The following ENAH variants were observed in gnomAD, a reference collection of about 807,000 sequenced individuals.
The protein encoded by ENAH is protein enabled homolog.
In ENAH, 23 loss-of-function variants were observed where a neutral mutation model predicts 78.7. The observed-to-expected ratio is 0.29, with a 90% CI of 0.21 to 0.41. The LOEUF is 0.41. ENAH is among the 10% of genes least tolerant of loss of function. The probability of loss-of-function intolerance (pLI) is 1.00; values close to 1 mark genes in which losing one functional copy is unlikely to be tolerated. For missense variants in ENAH, 544 were observed against 691.0 expected, an observed-to-expected ratio of 0.79 and a Z score of 2.39; for synonymous variants, 226 against 241.0, an observed-to-expected ratio of 0.94 and a Z score of 0.58.
At chr1:225,597,152 C>T (rs1004302877) in intron 1 of ENAH, among the ~76,000 whole-genome samples, 11 of 152,056 alleles carry the variant, frequency 7.2e-5, no homozygotes, top group Non-Finnish European at 1.2e-4. Context: ...GTTTCCATTC[C>T]GCCGTGAACC....
At chr1:225,604,181 C>A (rs1662754846) in intron 1 of ENAH, among the ~76,000 whole-genome samples, 1 of 152,170 alleles carries the variant, frequency 6.6e-6, no homozygotes, top group South Asian at 2.1e-4. Flanking sequence ...CAGTGGCAGA[C>A]ATAAAAACCA....
At chr1:225,505,178 A>T (rs1414618848) in intron 11 of ENAH, 1 of 577,540 alleles carries the variant, frequency 1.7e-6, no homozygotes, top group Non-Finnish European at 2.9e-6. Context: ...TAACCTTAAA[A>T]TAACCAATTT....
intron 3 of ENAH, among the ~76,000 whole-genome samples, chr1:225,541,419 A>G (rs898506505): frequency 2.0e-5 from 3 of 152,094 alleles, no homozygotes; most frequent in African/African-American, 7.2e-5. Context: ...CGGGCGACAG[A>G]GTGAGACTCA....
intron 4 of ENAH, among the ~76,000 whole-genome samples, chr1:225,525,485 C>A (rs1157506184): frequency 6.6e-6 from 1 of 152,182 alleles, no homozygotes; most frequent in Non-Finnish European, 1.5e-5. Context: ...AGCAGAACCA[C>A]GGTCAGGTTT....
intron 1 of ENAH, among the ~76,000 whole-genome samples, chr1:225,621,679 C>T (rs1656982027): frequency 6.6e-6 from 1 of 152,148 alleles, no homozygotes; most frequent in Non-Finnish European, 1.5e-5. Flanking sequence ...TCTTCATTGG[C>T]TTTTGTTAAC....
intron 1 of ENAH, among the ~76,000 whole-genome samples, chr1:225,633,075 G>A (rs958445126): frequency 3.4e-5 from 5 of 145,932 alleles, no homozygotes; most frequent in African/African-American, 7.7e-5. Flanking sequence ...TTGCTCTGTC[G>A]CCCAGTGCCC....
chr1:225,501,098 T>C, intron 11 of ENAH, 28 bp from the exon 12 acceptor site: 1 of 1,564,408 alleles, frequency 6.4e-7, no homozygotes, highest in South Asian at 1.1e-5. Flanking sequence ...CCAGGACAGG[T>C]AAACAACATT....
At chr1:225,604,838 A>C (rs375769959) in intron 1 of ENAH, among the ~76,000 whole-genome samples, 3 of 152,206 alleles carry the variant, frequency 2.0e-5, no homozygotes, top group African/African-American at 7.2e-5. Context: ...AGATTTAGAG[A>C]GGGCTGATAA....
intron 3 of ENAH, among the ~76,000 whole-genome samples, chr1:225,546,483 A>G (rs1328972369): frequency 8.5e-5 from 13 of 152,202 alleles, no homozygotes; most frequent in African/African-American, 3.1e-4. Context: ...ACAGAAGAGA[A>G]GCATCCTTCC....
intron 1 of ENAH, among the ~76,000 whole-genome samples, chr1:225,612,159 A>G (rs996396590): frequency 1.3e-5 from 2 of 152,204 alleles, no homozygotes; most frequent in African/African-American, 2.4e-5. Context: ...TATTCACAAG[A>G]GCTAAATGGT....
At chr1:225,522,425 G>T (rs1306721692) in intron 4 of ENAH, among the ~76,000 whole-genome samples, 1 of 152,082 alleles carries the variant, frequency 6.6e-6, no homozygotes. Context: ...TTTATGAGTA[G>T]TTATTTATTT....
At chr1:225,531,946 G>T (rs868777085) in intron 3 of ENAH, among the ~76,000 whole-genome samples, 1 of 151,570 alleles carries the variant, frequency 6.6e-6, no homozygotes, top group Admixed American at 6.6e-5. Context: ...CAACTGCAGT[G>T]ATATATTTCA....
At chr1:225,523,377 G>C (rs189545925) in intron 4 of ENAH, among the ~76,000 whole-genome samples, 4 of 151,782 alleles carry the variant, frequency 2.6e-5, no homozygotes, top group African/African-American at 9.7e-5. Flanking sequence ...TTACAGCTAG[G>C]TTGTATTGAC....
intron 3 of ENAH, among the ~76,000 whole-genome samples, chr1:225,551,378 T>C (rs1307715930): frequency 6.6e-6 from 1 of 151,888 alleles, no homozygotes; most frequent in South Asian, 2.1e-4. Context: ...CTTGTAAAGG[T>C]TGGTATGACT....
chr1:225,526,397 G>A (rs866528558), intron 4 of ENAH, among the ~76,000 whole-genome samples: 3 of 149,390 alleles, frequency 2.0e-5, no homozygotes, highest in African/African-American at 5.0e-5. Flanking sequence ...GGGGTGCAAT[G>A]GCACGATCTC....
intron 1 of ENAH, among the ~76,000 whole-genome samples, chr1:225,631,623 CTAA>C (rs888014350): frequency 1.3e-5 from 2 of 149,434 alleles, no homozygotes; most frequent in African/African-American, 4.9e-5. Context: ...TATTAAAAGT[CTAA>C]TGATATAAAT....
chr1:225,592,344 T>C (rs561401746), intron 1 of ENAH, among the ~76,000 whole-genome samples: 1 of 152,332 alleles, frequency 6.6e-6, no homozygotes, highest in African/African-American at 2.4e-5. Flanking sequence ...GGAGTGAACG[T>C]GACCAATTCC....
Position 225,640,284 on chromosome 1 carries a change from C to T in ENAH, c.5+12402G>A, listed in dbSNP as rs145558352. Among the ~76,000 whole-genome samples, 460 of 152,232 alleles carry T rather than the reference C, an allele frequency of 3.0e-3. 1 individual carries two copies. The highest frequency in any genetic ancestry group is 2.4e-3 in the Non-Finnish European group (160 of 68,002). Reference sequence around the variant, plus strand: ...TAATAATTTAACACATAGTTGCAACCATAACATGAATGTTTTCATAGTTTT... The same window carrying T: ...TAATAATTTAACACATAGTTGCAACTATAACATGAATGTTTTCATAGTTTT... On this transcript the variant is annotated intron_variant, in intron 1 of 13. Coordinates refer to ENST00000366843, the MANE Select transcript of ENAH (RefSeq NM_018212.6).
intron 3 of ENAH, among the ~76,000 whole-genome samples, chr1:225,531,635 T>C (rs2151266509): frequency 6.6e-6 from 1 of 152,146 alleles, no homozygotes; most frequent in Non-Finnish European, 1.5e-5. Flanking sequence ...CAGCAAATGC[T>C]CCTAACAGAT....
Sources: gnomAD v4.1 joint callset for allele counts (sites outside exome capture counted in the v4.1 genomes callset) on GRCh38, gnomAD v4.1.1 for gene constraint, MANE v1.5 for transcripts, NCBI Gene and HGNC (gene_info 2026-07-23, HGNC 2026-07-21) for gene names.